The following UHMK1 variants were observed in gnomAD, a reference collection of about 807,000 sequenced individuals.
The protein encoded by UHMK1 is U2AF homology motif kinase 1.
Under a neutral mutation model 44.0 loss-of-function variants are expected in UHMK1, and 18 were observed. That is an observed-to-expected ratio of 0.41 (90% CI 0.28 to 0.61). The LOEUF is 0.61. UHMK1 is among the 20% of genes least tolerant of loss of function. UHMK1 has a pLI of 0.31. For synonymous variants in UHMK1, 231 were observed against 198.5 expected (o/e 1.16, Z -1.38); for missense variants, 463 against 522.5 (o/e 0.89, Z 1.11).
rs759771960 is a variant in UHMK1 at position 162,512,511 on chromosome 1, A to G, written c.860A>G (p.Asp287Gly). The stretch of plus-strand genomic sequence containing the variant: ...TTTTTGTGTTTTAGCATGCTTCATG[A>G]TGATCCAAGCAGAAGAATTCCTGCT... ...LRDLIKSMLH[D>G]DPSRRIPAEM... The change falls in exon 5 of 8, where the codon GAT becomes GGT. Residue 287 changes from aspartate (D) to glycine (G), a missense_variant. This residue lies in a region of UHMK1 where 264 missense variants were observed against 326.3 expected (regional missense o/e 0.81). Transcript: ENST00000489294. The G allele has an allele frequency of 1.1e-5, 17 of 1,610,578 alleles. No individual in the cohort carries two copies. In the East Asian group the frequency reaches 2.0e-4, roughly 19 times the overall value.
At chr1:162,505,939 T>C (rs1351838430) in intron 4 of UHMK1, among the ~76,000 whole-genome samples, 1 of 152,198 alleles carries the variant, frequency 6.6e-6, no homozygotes. Flanking sequence ...GTGGTAACTT[T>C]TTACATAACT....
intron 4 of UHMK1, among the ~76,000 whole-genome samples, chr1:162,507,688 G>A (rs1355134108): frequency 2.0e-5 from 3 of 148,892 alleles, no homozygotes; most frequent in Non-Finnish European, 3.0e-5. Flanking sequence ...CCGGGTTCAC[G>A]CCATTCTCCT....
At chr1:162,506,895 G>A (rs1651490197) in intron 4 of UHMK1, among the ~76,000 whole-genome samples, 1 of 152,000 alleles carries the variant, frequency 6.6e-6, no homozygotes, top group Non-Finnish European at 1.5e-5. Context: ...TGGTCTTCTT[G>A]TCTAGATGCC....
chr1:162,515,878 C>G (rs1393589323), intron 6 of UHMK1, among the ~76,000 whole-genome samples: 1 of 151,972 alleles, frequency 6.6e-6, no homozygotes, highest in Admixed American at 6.6e-5. Context: ...ACTAAAAATA[C>G]AAAAAATTAG....
In UHMK1 at chr1:162,499,272, A is replaced by G. The variant is rs576546519; in HGVS notation, c.269-683A>G. ...TTCACTCCAGCCTCCAATTCCTCCT[A>G]AAGCCATGCTCCTACCTCAGCCTCC... On this transcript the variant is annotated intron_variant, in intron 1 of 7. Transcript: ENST00000489294. Among the ~76,000 whole-genome samples the G allele has an allele frequency of 9.2e-5, 14 of 152,040 alleles. No individual in the cohort carries two copies. The South Asian group carries it at 2.7e-3, about 29-fold the overall frequency.
rs1652267455 is a variant in UHMK1, at chr1:162,526,859, T to G, written c.*4309T>G. Reference sequence around the variant, plus strand: ...TAATATCAGGTTCCTTCATCAAATTTTACTACTGTAGCTCTGTGATATAAT... The same window carrying G: ...TAATATCAGGTTCCTTCATCAAATTGTACTACTGTAGCTCTGTGATATAAT... On this transcript the variant is annotated 3_prime_UTR_variant, in exon 8 of 8. Coordinates refer to ENST00000489294, the MANE Select transcript of UHMK1 (RefSeq NM_175866.5). The G allele has an allele frequency of 6.6e-6, 1 of 152,252 alleles. No homozygotes were observed. Among genetic ancestry groups the G allele is most frequent in the African/African-American group, 2.4e-5 (1 of 41,574 alleles). 9.4% of individuals were successfully genotyped at this position (152,252 alleles called of 1,614,324 possible). A position where few individuals can be genotyped will look rare whatever the true frequency, so the allele number is the denominator to read the frequency against.
rs1340188269 is a variant in UHMK1, at chr1:162,522,598, G to A, written c.*48G>A. On this transcript the variant is annotated 3_prime_UTR_variant, in exon 8 of 8. Transcript: ENST00000489294. ...CTTTTTCTCCTCTTCCATTTCTTGG[G>A]TTATTCCACATATGAATGCAGGACT... 3.1e-6 allele frequency: 5 copies of A among 1,588,242 alleles called. No individual in the cohort carries two copies. In the Admixed American group the frequency reaches 8.8e-5, roughly 28 times the overall value.
intron 3 of UHMK1, among the ~76,000 whole-genome samples, 153 bp downstream of exon 3, chr1:162,501,257 C>G (rs549131623): frequency 6.6e-6 from 1 of 152,258 alleles, no homozygotes; most frequent in East Asian, 1.9e-4. Context: ...GCAACCTCCA[C>G]CTTCCGGTTT....
At chr1:162,498,680 G>T (rs888424156) in intron 1 of UHMK1, among the ~76,000 whole-genome samples, 2 of 152,150 alleles carry the variant, frequency 1.3e-5, no homozygotes, top group African/African-American at 4.8e-5. Context: ...AACTCGTATA[G>T]CTCACCTATT....
chr1:162,498,414 C>T (rs994095415), intron 1 of UHMK1, 146 bp downstream of exon 1: 2 of 1,030,480 alleles, frequency 1.9e-6, no homozygotes, highest in Non-Finnish European at 2.7e-6. Flanking sequence ...GCCCCTTTCC[C>T]CTTTCACTTT....
rs1652103944 is a variant in UHMK1, at chr1:162,522,693, A to G, written c.*143A>G. ...CCTACTAATGTGCAGCCATTGCCCAAGCAGTGACTGCGTTGCATACATTTG... is the reference window on the plus strand; with the variant it reads ...CCTACTAATGTGCAGCCATTGCCCAGGCAGTGACTGCGTTGCATACATTTG... On this transcript the variant is annotated 3_prime_UTR_variant, in exon 8 of 8. Transcript: ENST00000489294. 3.2e-6 allele frequency: 3 copies of G among 938,522 alleles called. No homozygotes were observed. Among genetic ancestry groups the G allele is most frequent in the African/African-American group, 1.7e-5 (1 of 59,964 alleles). The allele number at this position is 938,522 out of a possible 1,614,324, so 58.1% of individuals were successfully genotyped here.
At chr1:162,515,748 A>G (rs1317864285) in intron 6 of UHMK1, among the ~76,000 whole-genome samples, 1 of 152,160 alleles carries the variant, frequency 6.6e-6, no homozygotes, top group Admixed American at 6.6e-5. Flanking sequence ...TTAAAACTGA[A>G]GCTTGGCCGG....
intron 4 of UHMK1, 37 bp downstream of exon 4, chr1:162,503,885 T>A (rs999346810): frequency 1.3e-6 from 2 of 1,515,958 alleles, no homozygotes; most frequent in Non-Finnish European, 1.8e-6. Flanking sequence ...TTTGCATTCA[T>A]GTACTATGTG....
rs1651107541 is a variant in UHMK1, at chr1:162,497,869, G to T, written c.-132G>T. On this transcript the variant is annotated 5_prime_UTR_variant, in exon 1 of 8. Coordinates refer to ENST00000489294, the MANE Select transcript of UHMK1 (RefSeq NM_175866.5). ...GTGTCATGGCTGCTTGAAGTCCCGGGAGTCGGTGAGGCGGCTGCAGGTCCC... is the reference window on the plus strand; with the variant it reads ...GTGTCATGGCTGCTTGAAGTCCCGGTAGTCGGTGAGGCGGCTGCAGGTCCC... 1.4e-6 allele frequency: 2 copies of T among 1,394,992 alleles called. No homozygotes were observed. The highest frequency in any genetic ancestry group is 1.9e-6 in the Non-Finnish European group (2 of 1,080,890). 86.4% of individuals were successfully genotyped at this position (1,394,992 alleles called of 1,614,324 possible).
chr1:162,501,644 A>G (rs974234060), intron 3 of UHMK1, among the ~76,000 whole-genome samples: 1 of 152,206 alleles, frequency 6.6e-6, no homozygotes, highest in Non-Finnish European at 1.5e-5. Flanking sequence ...TGCTTGATAA[A>G]ATGTTTGAAT....
rs757774011 is a variant in UHMK1, at chr1:162,498,222, CAA to C, written c.224_225del (p.Lys75ArgfsTer37). 1.9e-6 allele frequency: 3 copies of C among 1,609,816 alleles called. No homozygotes were observed. The highest frequency in any genetic ancestry group is 2.5e-6 in the Non-Finnish European group (3 of 1,177,728). ...CCTCTGCCGCCGAGTATGGTTTCCG[CAA>C]AGAGAGGGCGGCGCTGGAACAGTTG... The part of the protein sequence containing the change: ...AASAAEYGFR[K>X]ERAALEQLQG... On this transcript the variant is annotated frameshift_variant, in exon 1 of 8. Coordinates refer to ENST00000489294, the MANE Select transcript of UHMK1 (RefSeq NM_175866.5). LOFTEE classifies it high-confidence loss of function.
Position 162,498,259 on chromosome 1 carries a change from A to G in UHMK1, c.259A>G (p.Arg87Gly). 6.3e-7 allele frequency: 1 copy of G among 1,590,058 alleles called. No individual in the cohort carries two copies. Among genetic ancestry groups the G allele is most frequent in the Non-Finnish European group, 8.6e-7 (1 of 1,164,864 alleles). ...GGCGCTGGAACAGTTGCAGGGTCACAGAAACATCGGTAATTGCCGCTGTCT... is the reference window on the plus strand; with the variant it reads ...GGCGCTGGAACAGTTGCAGGGTCACGGAAACATCGGTAATTGCCGCTGTCT... ...RAALEQLQGH[R>G]NIVTLYGVFT... Residue 87 changes from arginine (R) to glycine (G), a missense_variant, in exon 1 of 8, where the codon AGA becomes GGA. Physicochemically the swap from Arg to Gly is moderately radical, Grantham distance 125. Transcript: ENST00000489294.
intron 6 of UHMK1, among the ~76,000 whole-genome samples, chr1:162,514,176 C>A (rs2101680596): frequency 6.6e-6 from 1 of 152,178 alleles, no homozygotes; most frequent in African/African-American, 2.4e-5. Flanking sequence ...ATAATCCCAG[C>A]TGCTCGGGAG....
upstream of UHMK1, chr1:162,497,770 C>T (rs915926099): frequency 7.6e-7 from 1 of 1,310,104 alleles, no homozygotes; most frequent in Non-Finnish European, 9.7e-7. Flanking sequence ...TTCTGAGCCC[C>T]CCCTCCTTCG....
Sources: allele counts gnomAD v4.1 joint callset (sites outside exome capture counted in the v4.1 genomes callset), GRCh38; gene constraint gnomAD v4.1.1; regional missense constraint gnomAD v4.1.1; transcripts MANE v1.5; gene names NCBI Gene and HGNC (gene_info 2026-07-23, HGNC 2026-07-21).